CLCNKB: variants seen among roughly 807,000 people sequenced by gnomAD.
CLCNKB encodes the protein chloride channel protein ClC-Kb.
A neutral mutation model predicts 83.8 loss-of-function variants in CLCNKB; 74 were observed. The observed-to-expected ratio is 0.88, with a 90% confidence interval of 0.73 to 1.07. The LOEUF is 1.07. Ranked by LOEUF, CLCNKB falls within the 50% of genes least tolerant of loss-of-function variation. The pLI is 0.00. For synonymous variants in CLCNKB, 358 were observed against 356.6 expected (o/e 1.00, Z -0.04); for missense variants, 798 against 893.6 (o/e 0.89, Z 1.36).
intron 14 of CLCNKB, 33 bp from the exon 15 acceptor site, chr1:16,052,165 C>A: frequency 6.2e-7 from 1 of 1,611,836 alleles, no homozygotes; most frequent in Non-Finnish European, 8.5e-7. Context: ...TGGCCCCTGG[C>A]CTGAGCTGCC....
intron 1 of CLCNKB, among the ~76,000 whole-genome samples, chr1:16,044,213 C>T (rs1387581772): frequency 6.9e-6 from 1 of 145,594 alleles, no homozygotes; most frequent in Non-Finnish European, 1.5e-5. Context: ...TGGGCTCCGG[C>T]CTGTGCCCAG....
At position 16,048,329 on chromosome 1, in the gene CLCNKB, C is replaced by G. The variant is rs371797157; in HGVS notation, c.499-14C>G. The G allele has an allele frequency of 1.2e-6, 2 of 1,613,898 alleles. No homozygotes were observed. The highest frequency in any genetic ancestry group is 1.7e-5 in the Admixed American group (1 of 60,012). ...GCCCTCACCTGGGCCCTGGGCCCAC[C>G]CTTCTCTCTGCAGGGCCCTTTCGTG... On this transcript the variant is annotated splice_polypyrimidine_tract_variant and intron_variant, in intron 5 of 19. Transcript: ENST00000375679.
chr1:16,055,686 G>A lies in CLCNKB; in HGVS notation c.1857G>A (p.Gln619=). The change falls in exon 18 of 20, where the codon CAG becomes CAA. Residue 619 remains glutamine, a synonymous_variant. Transcript: ENST00000375679. The part of the protein sequence containing the change: ...SWAPGHQQCL[Q]DILAAGCPTE... Reference sequence around the variant, plus strand: ...TTCCCCACCCCCAGCAGTGTCTCCAGGACATCTTGGCTGCAGGCTGCCCCA... The same window carrying A: ...TTCCCCACCCCCAGCAGTGTCTCCAAGACATCTTGGCTGCAGGCTGCCCCA... 1 of 1,613,862 alleles carries A rather than the reference G, an allele frequency of 6.2e-7. No individual in the cohort carries two copies. Among genetic ancestry groups the A allele is most frequent in the South Asian group, 1.1e-5 (1 of 91,088 alleles).
intron 19 of CLCNKB, 149 bp from the exon 20 acceptor site, chr1:16,056,720 T>G: frequency 1.1e-6 from 1 of 907,494 alleles, no homozygotes; most frequent in African/African-American, 1.7e-5. Flanking sequence ...CCTGCCCCTC[T>G]CGGCCTCAGT....
chr1:16,045,983 A>G (rs1180453798), intron 3 of CLCNKB, among the ~76,000 whole-genome samples: 2 of 152,030 alleles, frequency 1.3e-5, no homozygotes, highest in Non-Finnish European at 2.9e-5. Flanking sequence ...TCCCTCCTCC[A>G]TGCCCTGGGG....
At chr1:16,050,160 C>G (rs1384631064) in intron 10 of CLCNKB, among the ~76,000 whole-genome samples, 1 of 150,582 alleles carries the variant, frequency 6.6e-6, no homozygotes, top group South Asian at 2.1e-4. Context: ...TCAGTGAACC[C>G]CAACCCCCTC....
chr1:16,046,061 C>A (rs1024829138), intron 3 of CLCNKB, among the ~76,000 whole-genome samples: 46 of 152,358 alleles, frequency 3.0e-4, no homozygotes, highest in African/African-American at 1.1e-3. Context: ...CATCCCTCAG[C>A]AGCCTGCCTC....
At chr1:16,048,650 G>T in intron 7 of CLCNKB, 68 bp downstream of exon 7, 1 of 1,599,546 alleles carries the variant, frequency 6.3e-7, no homozygotes, top group Non-Finnish European at 8.5e-7. Context: ...GGGCTCCTTC[G>T]GCCCAGCTGA....
At chr1:16,049,563 G>C (rs1369714857) in intron 8 of CLCNKB, 55 bp from the exon 9 acceptor site, 1 of 1,409,194 alleles carries the variant, frequency 7.1e-7, no homozygotes, top group African/African-American at 1.4e-5. Context: ...TCTGGGACTT[G>C]AGTTTGGGTC....
chr1:16,056,409 A>T lies in CLCNKB; in HGVS notation c.1930-13A>T. On this transcript the variant is annotated splice_polypyrimidine_tract_variant and intron_variant, in intron 18 of 19. Coordinates refer to ENST00000375679, the MANE Select transcript of CLCNKB (RefSeq NM_000085.5). ...CTTCTACCCTCCAGTGTTTCCTAAC[A>T]TCCCCCATCCAGGCACACAACCTCT... The T allele has an allele frequency of 6.2e-7, 1 of 1,613,842 alleles. No individual in the cohort carries two copies. Among genetic ancestry groups the T allele is most frequent in the Non-Finnish European group, 8.5e-7 (1 of 1,179,804 alleles).
chr1:16,047,753 A>T (rs2124088947), intron 4 of CLCNKB, 152 bp from the exon 5 acceptor site: 1 of 922,878 alleles, frequency 1.1e-6, no homozygotes, highest in East Asian at 2.6e-5. Context: ...TGGCCAACAG[A>T]GCAAGATCTT....
Position 16,056,615 on chromosome 1 carries a change from T to TG in CLCNKB, c.2016+113dup. On this transcript the variant is annotated intron_variant, in intron 19 of 19. Transcript: ENST00000375679. ...ACACCAGCATGCTCCCATCCAAACC[T>TG]GGGGGGATTCAGAGGATACTGATGA... 12 of 1,176,774 alleles carry TG rather than the reference T, an allele frequency of 1.0e-5. No individual in the cohort carries two copies. In the South Asian group the frequency reaches 1.6e-4, roughly 15 times the overall value. The allele number at this position is 1,176,774 out of a possible 1,614,324, so 72.9% of individuals were successfully genotyped here. A position where few individuals can be genotyped will look rare whatever the true frequency, so the allele number is the denominator to read the frequency against.
chr1:16,048,534 G>T lies in CLCNKB; in HGVS notation c.607G>T (p.Ala203Ser). The T allele has an allele frequency of 6.2e-7, 1 of 1,613,164 alleles. No homozygotes were observed. The change falls in exon 7 of 20, where the codon GCA (alanine) becomes TCA (serine). Residue 203 changes from alanine (A) to serine (S), a missense_variant. Transcript: ENST00000375679. ...NKSKQNEMLV[A>S]AAAVGVATVF... ...GAGCAAGCAAAACGAAATGCTGGTG[G>T]CAGCGGCGGCAGTGGGCGTGGCCAC...
At chr1:16,048,779 G>C in intron 7 of CLCNKB, 197 bp downstream of exon 7, 1 of 1,460,898 alleles carries the variant, frequency 6.8e-7, no homozygotes. Flanking sequence ...GTGCTAAGAG[G>C]CTTCAGTGTA....
Position 16,053,756 on chromosome 1 carries a change from C to G in CLCNKB, c.1740C>G (p.Pro580=). The G allele has an allele frequency of 6.2e-7, 1 of 1,613,808 alleles. No individual in the cohort carries two copies. The highest frequency in any genetic ancestry group is 8.5e-7 in the Non-Finnish European group (1 of 1,179,966). ...VVTSTDVAKY[P]LVESTESQIL... The stretch of plus-strand genomic sequence containing the variant: ...CCTCCACAGACGTGGCCAAGTATCC[C>G]CTGGTGGAGAGCACAGGTGCCCAGC... The change falls in exon 16 of 20, where the codon CCC becomes CCG. Residue 580 remains proline (P), a synonymous_variant. Transcript: ENST00000375679.
At chr1:16,048,997 T>G in intron 7 of CLCNKB, 123 bp from the exon 8 acceptor site, 1 of 1,597,252 alleles carries the variant, frequency 6.3e-7, no homozygotes, top group Non-Finnish European at 8.5e-7. Context: ...CTCCTGTCTG[T>G]CCCTGTCCGG....
At chr1:16,049,315 C>T in intron 8 of CLCNKB, 70 bp downstream of exon 8, 1 of 1,596,492 alleles carries the variant, frequency 6.3e-7, no homozygotes. Flanking sequence ...CCCTTCTCCC[C>T]TGTGTACACC....
At chr1:16,053,800 C>T (rs749897650) in intron 16 of CLCNKB, 28 bp downstream of exon 16, 37 of 1,613,116 alleles carry the variant, frequency 2.3e-5, no homozygotes, top group Non-Finnish European at 2.7e-5. Context: ...AGGAGGAAGT[C>T]GGGGGTAGGG....
intron 1 of CLCNKB, 130 bp from the exon 2 acceptor site, chr1:16,044,356 T>TACACACACAC (rs1553127093): frequency 0.01 from 3,851 of 374,520 alleles, 27 homozygotes; most frequent in South Asian, 0.016. Flanking sequence ...TAACTTCACA[T>TACACACACAC]ACACACACAC....
Sources: gnomAD v4.1 joint callset for allele counts (sites outside exome capture counted in the v4.1 genomes callset) on GRCh38, gnomAD v4.1.1 for gene constraint, MANE v1.5 for transcripts, NCBI Gene and HGNC (gene_info 2026-07-23, HGNC 2026-07-21) for gene names.